Variants in FNDC3B observed in about 807,000 individuals in gnomAD.
FNDC3B encodes fibronectin type III domain-containing protein 3B.
FNDC3B carries 12 observed loss-of-function variants against 151.5 expected under a neutral mutation model. The ratio of observed to expected loss-of-function variants is 0.08; its 90% confidence interval spans 0.05 to 0.13. The LOEUF is 0.13. Ranked by LOEUF, FNDC3B falls within the 10% of genes least tolerant of loss-of-function variation. The pLI is 1.00. For missense variants in FNDC3B, 1,214 were observed against 1,505.3 expected (o/e 0.81, Z 3.20); for synonymous variants, 528 against 549.0 (o/e 0.96, Z 0.54).
intron 3 of FNDC3B, among the ~76,000 whole-genome samples, chr3:172,174,343 A>T (rs902858214): frequency 3.9e-5 from 6 of 152,234 alleles, no homozygotes; most frequent in African/African-American, 1.4e-4. Flanking sequence ...CCACTTAGTT[A>T]GACTGAGTCT....
chr3:172,204,400 T>A (rs1725319587), intron 3 of FNDC3B, among the ~76,000 whole-genome samples: 1 of 152,150 alleles, frequency 6.6e-6, no homozygotes. Flanking sequence ...CAAATAGAAT[T>A]GTGAGAATAT....
chr3:172,089,110 CAT>C (rs1718686615), intron 1 of FNDC3B, among the ~76,000 whole-genome samples: 1 of 152,120 alleles, frequency 6.6e-6, no homozygotes, highest in African/African-American at 2.4e-5. Context: ...TCTCAAAATT[CAT>C]AGTGAGCAAC....
At chr3:172,116,909 C>A (rs1720286418) in intron 2 of FNDC3B, among the ~76,000 whole-genome samples, 1 of 152,158 alleles carries the variant, frequency 6.6e-6, no homozygotes, top group Non-Finnish European at 1.5e-5. Flanking sequence ...CAGCATGTGT[C>A]AGTACTGTAT....
chr3:172,186,835 G>T lies in FNDC3B; in HGVS notation c.188-40036G>T, dbSNP rs61105456. On this transcript the variant is annotated intron_variant, in intron 3 of 25. Coordinates refer to ENST00000415807, the MANE Select transcript of FNDC3B (RefSeq NM_022763.4). ...TATTTCTTCATTACGAGCACTTCGCGGTGTGGCTTTTCAATGTCTGAAGTG... is the reference window on the plus strand; with the variant it reads ...TATTTCTTCATTACGAGCACTTCGCTGTGTGGCTTTTCAATGTCTGAAGTG... 2.2e-3 allele frequency: 1,480 copies of T among 664,824 alleles called. 15 individuals carry two copies. In the African/African-American group the frequency reaches 0.023, roughly 10 times the overall value. 41.2% of individuals were successfully genotyped at this position (664,824 alleles called of 1,614,324 possible).
intron 2 of FNDC3B, among the ~76,000 whole-genome samples, chr3:172,132,229 A>G (rs1721141172): frequency 6.6e-6 from 1 of 152,318 alleles, no homozygotes; most frequent in South Asian, 2.1e-4. Context: ...CAGGAAGAGT[A>G]TCACAGACAG....
At chr3:172,257,641 A>G (rs1728425277) in intron 6 of FNDC3B, among the ~76,000 whole-genome samples, 1 of 151,690 alleles carries the variant, frequency 6.6e-6, no homozygotes. Flanking sequence ...CTAGAACTCC[A>G]GTGGTTTGAG....
At position 172,343,004 on chromosome 3, in the gene FNDC3B, C is replaced by T; in HGVS notation, c.1972-7C>T. 1 of 1,558,260 alleles carries T rather than the reference C, an allele frequency of 6.4e-7. No individual in the cohort carries two copies. Among genetic ancestry groups the T allele is most frequent in the Admixed American group, 1.7e-5 (1 of 59,938 alleles). The stretch of plus-strand genomic sequence containing the variant: ...AGAGATGGTTCTCTCTGGTGTTTCT[C>T]CTGCAGTGTTCTGAAAGTCTCCCTG... On this transcript the variant is annotated splice_polypyrimidine_tract_variant and splice_region_variant and intron_variant, in intron 17 of 25. Transcript: ENST00000415807.
chr3:172,174,556 T>C (rs1259226489), intron 3 of FNDC3B, among the ~76,000 whole-genome samples: 1 of 152,238 alleles, frequency 6.6e-6, no homozygotes, highest in African/African-American at 2.4e-5. Flanking sequence ...TGAGTATCTT[T>C]ATGTTAATGT....
intron 3 of FNDC3B, chr3:172,186,927 A>G (rs1724217572): frequency 3.8e-6 from 2 of 532,012 alleles, no homozygotes; most frequent in Non-Finnish European, 6.6e-6. Context: ...CAACAATGTG[A>G]TTCAATTTTA....
At chr3:172,339,634 C>G (rs140005666) in intron 16 of FNDC3B, among the ~76,000 whole-genome samples, 3 of 152,288 alleles carry the variant, frequency 2.0e-5, no homozygotes, top group African/African-American at 7.2e-5. Flanking sequence ...AAAAACCCAA[C>G]TAGGTTAGAA....
At chr3:172,305,328 G>C (rs1358380329) in intron 9 of FNDC3B, among the ~76,000 whole-genome samples, 7 of 152,202 alleles carry the variant, frequency 4.6e-5, no homozygotes, top group African/African-American at 1.4e-4. Flanking sequence ...TGGTTTGGTT[G>C]ATATGTCTTA....
intron 1 of FNDC3B, among the ~76,000 whole-genome samples, chr3:172,059,454 A>C (rs957640705): frequency 6.6e-6 from 1 of 152,174 alleles, no homozygotes; most frequent in Non-Finnish European, 1.5e-5. Flanking sequence ...AGGCTTTGAA[A>C]AATTTCTCCT....
intron 21 of FNDC3B, among the ~76,000 whole-genome samples, 173 bp downstream of exon 21, chr3:172,347,534 C>T (rs1199175413): frequency 6.6e-6 from 1 of 152,146 alleles, no homozygotes; most frequent in Admixed American, 6.5e-5. Flanking sequence ...CAGTTAATTT[C>T]CACTTCTCTA....
intron 3 of FNDC3B, among the ~76,000 whole-genome samples, chr3:172,151,173 A>G (rs180804913): frequency 1.6e-4 from 24 of 152,268 alleles, no homozygotes; most frequent in African/African-American, 5.8e-4. Flanking sequence ...GTGCATATGT[A>G]TGCATATTTG....
At chr3:172,203,517 A>AT (rs1451404910) in intron 3 of FNDC3B, among the ~76,000 whole-genome samples, 7 of 152,226 alleles carry the variant, frequency 4.6e-5, no homozygotes, top group Non-Finnish European at 8.8e-5. Flanking sequence ...CTGCATAAGC[A>AT]TTTTATTTTG....
chr3:172,198,981 C>G (rs534006740), intron 3 of FNDC3B, among the ~76,000 whole-genome samples: 1 of 151,988 alleles, frequency 6.6e-6, no homozygotes, highest in South Asian at 2.1e-4. Context: ...TGTGCACCAC[C>G]ATGCCTGGGT....
At position 172,362,832 on chromosome 3, in the gene FNDC3B, G is replaced by A. The variant is rs1734431236; in HGVS notation, c.2995G>A (p.Asp999Asn). ...CATTGTGTACACACTACAGCTGGAG[G>A]ACAGAAACAAGAGGTGAGGTGGGGG... is the stretch of plus-strand genomic sequence containing the variant. ...EDIVYTLQLEDRNKRFISIYR... is the reference protein window; with the variant it reads ...EDIVYTLQLENRNKRFISIYR... Residue 999 changes from aspartate (D) to asparagine (N), a missense_variant, in exon 23 of 26, where the codon GAC (aspartate) becomes AAC (asparagine). Around this residue, in one of 7 missense-constraint regions of FNDC3B, gnomAD observed 284 missense variants for 392.4 expected, o/e 0.72. Coordinates refer to ENST00000415807, the MANE Select transcript of FNDC3B (RefSeq NM_022763.4). 2 of 1,613,246 alleles carry A rather than the reference G, an allele frequency of 1.2e-6. No homozygotes were observed. The highest frequency in any genetic ancestry group is 1.7e-6 in the Non-Finnish European group (2 of 1,179,588).
chr3:172,177,249 C>T lies in FNDC3B; in HGVS notation c.187+43703C>T, dbSNP rs115875901. ...AGAATCTTTGTTACTGTTAAGTATT[C>T]GGATTCCTGGGCCTAATGCCAGGTC... On this transcript the variant is annotated intron_variant, in intron 3 of 25. Coordinates refer to ENST00000415807, the MANE Select transcript of FNDC3B (RefSeq NM_022763.4). Among the ~76,000 whole-genome samples the T allele has an allele frequency of 9.5e-3, 1,445 of 152,294 alleles. 12 individuals carry two copies. The highest frequency in any genetic ancestry group is 0.015 in the Non-Finnish European group (1,033 of 68,032).
chr3:172,177,620 C>T (rs1723663565), intron 3 of FNDC3B, among the ~76,000 whole-genome samples: 1 of 69,972 alleles, frequency 1.4e-5, no homozygotes, highest in African/African-American at 5.9e-5. Context: ...TCATTTTTAC[C>T]ACCATCTTTT....
Sources: gnomAD v4.1 joint callset for allele counts (sites outside exome capture counted in the v4.1 genomes callset) on GRCh38, gnomAD v4.1.1 for gene constraint, gnomAD v4.1.1 regional missense constraint, MANE v1.5 for transcripts, NCBI Gene and HGNC (gene_info 2026-07-23, HGNC 2026-07-21) for gene names.